Variants in NKIRAS1 observed in about 807,000 individuals in gnomAD.
NKIRAS1 encodes NF-kappa-B inhibitor-interacting Ras-like protein 1.
In NKIRAS1, 16 loss-of-function variants were observed where a neutral mutation model predicts 19.8. The observed-to-expected ratio is 0.81, with a 90% CI of 0.55 to 1.23. The LOEUF (loss-of-function observed/expected upper bound fraction) is 1.23. NKIRAS1 is among the 50% of genes most tolerant of loss of function. NKIRAS1 has a pLI of 0.00. For synonymous variants in NKIRAS1, 88 were observed against 79.0 expected (o/e 1.11, Z -0.61); for missense variants, 184 against 220.0 (o/e 0.84, Z 1.04).
Position 23,893,403 on chromosome 3 carries a change from G to A in NKIRAS1, c.337-66C>T, listed in dbSNP as rs147796667. 1,225 of 1,407,248 alleles carry A rather than the reference G, an allele frequency of 8.7e-4. 13 individuals carry two copies. In the East Asian group the frequency reaches 0.014, roughly 16 times the overall value. 87.2% of individuals were successfully genotyped at this position (1,407,248 alleles called of 1,614,324 possible). ...CCAACATCAGTTCCTGGGCAAAATG[G>A]AGACATAAGGAAAATTGTTCCACTT... is the stretch of plus-strand genomic sequence containing the variant. On this transcript the variant is annotated intron_variant, in intron 4 of 4. Transcript: ENST00000425478.
chr3:23,896,115 ATG>A (rs1701962428), intron 4 of NKIRAS1, among the ~76,000 whole-genome samples: 1 of 120,932 alleles, frequency 8.3e-6, no homozygotes, highest in Non-Finnish European at 1.7e-5. Flanking sequence ...AGCCTGGGAG[ATG>A]GAGCAAGACT....
rs575779558 is a variant in NKIRAS1 at position 23,945,456 on chromosome 3, C to T, written c.-140+867G>A. ...GGCCCGGGAGCCCCGCCCGCTCTGC[C>T]CATGAGGGGGCCCCGCGACCACCGC... is the stretch of plus-strand genomic sequence containing the variant. On this transcript the variant is annotated intron_variant, in intron 1 of 4. Coordinates refer to the NKIRAS1 transcript ENST00000421515. The T allele has an allele frequency of 6.1e-3, 2,607 of 426,190 alleles. 40 individuals carry two copies. The highest frequency in any genetic ancestry group is 0.04 in the South Asian group (425 of 10,550). The allele number at this position is 426,190 out of a possible 1,614,324, so 26.4% of individuals were successfully genotyped here.
chr3:23,921,684 T>A, upstream of NKIRAS1: 1 of 670,032 alleles, frequency 1.5e-6, no homozygotes, highest in Non-Finnish European at 2.7e-6. Context: ...GAGCAATTCT[T>A]CTGCCTCGGC....
rs546612216 is a variant in NKIRAS1, at chr3:23,927,969, T to C, written c.-139-16519A>G. Among the ~76,000 whole-genome samples the C allele has an allele frequency of 2.0e-4, 30 of 152,038 alleles. No individual in the cohort carries two copies. The highest frequency in any genetic ancestry group is 3.8e-4 in the Non-Finnish European group (26 of 67,998). On this transcript the variant is annotated intron_variant, in intron 1 of 4. Transcript: ENST00000421515. This position sits in a 1 kb window ranked among gnomAD's most constrained non-coding sequence, Gnocchi z 4.0. The stretch of plus-strand genomic sequence containing the variant: ...TGGTGCATGCCAGTAGTACCAGATA[T>C]GCAGGAGGCTGAGGTGGAAGAATTG...
Position 23,898,535 on chromosome 3 carries a change from C to A in NKIRAS1, c.336+2273G>T, listed in dbSNP as rs568918400. ...TCAGCTCACTGCAACCTCTGCCTCC[C>A]GGGTTTCAAGCGATTCTCCTGCCTC... On this transcript the variant is annotated intron_variant, in intron 4 of 4. Coordinates refer to ENST00000425478, the MANE Select transcript of NKIRAS1 (RefSeq NM_020345.4). 9.2e-5 allele frequency among the ~76,000 whole-genome samples: 14 copies of A among 151,884 alleles called. 1 individual carries two copies. The highest frequency in any genetic ancestry group is 1.5e-4 in the Non-Finnish European group (10 of 67,954).
intron 4 of NKIRAS1, among the ~76,000 whole-genome samples, chr3:23,894,274 G>A (rs1701757799): frequency 6.6e-6 from 1 of 152,182 alleles, no homozygotes; most frequent in African/African-American, 2.4e-5. Flanking sequence ...TGTGACAGTA[G>A]ACAATGGGCA....
upstream of NKIRAS1, chr3:23,919,370 C>T: frequency 1.9e-6 from 3 of 1,602,490 alleles, no homozygotes; most frequent in South Asian, 1.1e-5. Context: ...CAGGGAGATG[C>T]GTGGGCTGAC....
chr3:23,901,178 A>AAT, intron 3 of NKIRAS1, 129 bp from the exon 4 acceptor site: 2 of 938,530 alleles, frequency 2.1e-6, no homozygotes, highest in South Asian at 2.1e-5. Context: ...TTTCTATTTT[A>AAT]CTTTTTTTTT....
In NKIRAS1 at chr3:23,895,270, G is replaced by A. The variant is rs79697819; in HGVS notation, c.337-1933C>T. ...CAAGCAATCCTCCTGCCTCAGCTCC[G>A]CAAAGTGCTGGGATTACAGGCGTGA... On this transcript the variant is annotated intron_variant, in intron 4 of 4. Transcript: ENST00000425478. Among the ~76,000 whole-genome samples, 169 of 152,092 alleles carry A rather than the reference G, an allele frequency of 1.1e-3. 5 individuals are homozygous for A. The East Asian group carries it at 0.021, about 19-fold the overall frequency.
chr3:23,899,849 A>G (rs891602228), intron 4 of NKIRAS1, among the ~76,000 whole-genome samples: 2 of 152,218 alleles, frequency 1.3e-5, no homozygotes, highest in Admixed American at 6.5e-5. Context: ...CAAGAATCCT[A>G]TGTACCCAAG....
intron 3 of NKIRAS1, among the ~76,000 whole-genome samples, chr3:23,907,262 T>G (rs1055998914): frequency 6.6e-6 from 1 of 152,222 alleles, no homozygotes; most frequent in Non-Finnish European, 1.5e-5. Flanking sequence ...CAGTATATAA[T>G]ACACACAACA....
chr3:23,932,339 G>A (rs564839992), intron 1 of NKIRAS1, among the ~76,000 whole-genome samples: 4 of 152,176 alleles, frequency 2.6e-5, no homozygotes, highest in Non-Finnish European at 5.9e-5. Context: ...TACTTAACCT[G>A]TGATTTAATG....
chr3:23,897,024 G>C (rs985202871), intron 4 of NKIRAS1, among the ~76,000 whole-genome samples: 37 of 152,002 alleles, frequency 2.4e-4, no homozygotes, highest in Non-Finnish European at 1.2e-4. Flanking sequence ...CTGGGCAACA[G>C]AGCAAGACCT....
At chr3:23,920,378 A>G (rs879313225), upstream of NKIRAS1, 13 of 985,298 alleles carry the variant, frequency 1.3e-5, no homozygotes, top group African/African-American at 3.5e-5. Context: ...TCACAAGCGC[A>G]TGGTTTCCAA....
At chr3:23,941,005 T>G (rs147480252) in intron 1 of NKIRAS1, among the ~76,000 whole-genome samples, 1,655 of 152,324 alleles carry the variant, frequency 0.011, 32 homozygotes, top group African/African-American at 0.037. Flanking sequence ...GATCTTGATA[T>G]AGTCCACAAA....
rs779880356 is a variant in NKIRAS1 at position 23,893,349 on chromosome 3, C to T, written c.337-12G>A. On this transcript the variant is annotated splice_polypyrimidine_tract_variant and intron_variant, in intron 4 of 4. Transcript: ENST00000425478. ...ACCACAATTGCTACCTGAAAGAAAA[C>T]GGATTGAAAAGATCATACTAGTACT... 3.8e-5 allele frequency: 62 copies of T among 1,610,726 alleles called. No homozygotes were observed. The highest frequency in any genetic ancestry group is 5.2e-5 in the Non-Finnish European group (61 of 1,178,490).
At chr3:23,918,669 C>T, upstream of NKIRAS1, 2 of 1,416,064 alleles carry the variant, frequency 1.4e-6, no homozygotes, top group South Asian at 2.6e-5. Flanking sequence ...CTTAGGTGAG[C>T]TGTCTCGTAT....
intron 1 of NKIRAS1, among the ~76,000 whole-genome samples, chr3:23,938,076 G>C (rs1432178179): frequency 6.6e-6 from 1 of 152,044 alleles, no homozygotes; most frequent in African/African-American, 2.4e-5. Context: ...ATGTGGAGTG[G>C]GGGCTTTTCT....
In NKIRAS1 at chr3:23,897,239, T is replaced by C. The variant is rs770201622; in HGVS notation, c.336+3569A>G. 8.3e-4 allele frequency among the ~76,000 whole-genome samples: 126 copies of C among 151,702 alleles called. 3 individuals are homozygous for C. The highest frequency in any genetic ancestry group is 1.6e-4 in the Non-Finnish European group (11 of 67,970). The stretch of plus-strand genomic sequence containing the variant: ...AAAAAAGGAGGAAAAATATTTTTAA[T>C]GTATACTCCTATTTGCTTGCATTTA... On this transcript the variant is annotated intron_variant, in intron 4 of 4. Transcript: ENST00000425478.
Sources: gnomAD v4.1 joint callset for allele counts (sites outside exome capture counted in the v4.1 genomes callset) on GRCh38, gnomAD v4.1.1 for gene constraint, Gnocchi (gnomAD v3.1) non-coding constraint, MANE v1.5 for transcripts, NCBI Gene and HGNC (gene_info 2026-07-23, HGNC 2026-07-21) for gene names.